AGAP1: variants seen among roughly 807,000 people sequenced by gnomAD.
AGAP1 encodes ArfGAP with GTPase domain, ankyrin repeat and PH domain 1, also known as arf-GAP with GTPase, ANK repeat and PH domain-containing protein 1.
Under a neutral mutation model 105.3 loss-of-function variants are expected in AGAP1, and 29 were observed. The observed-to-expected ratio is 0.28, with a 90% CI of 0.21 to 0.38. The LOEUF is 0.38. Among genes scored for constraint, AGAP1 ranks in the 10% least tolerant of loss-of-function variants. The pLI, the probability that AGAP1 is intolerant of heterozygous loss-of-function variation, is 1.00. For missense variants in AGAP1, 998 were observed against 1,165.1 expected, an observed-to-expected ratio of 0.86 and a Z score of 2.09; for synonymous variants, 509 against 485.9, an observed-to-expected ratio of 1.05 and a Z score of -0.63.
rs115362445 is a variant in AGAP1, at chr2:236,097,744, C to T, written c.2115-22448C>T. Among the ~76,000 whole-genome samples, 666 of 152,212 alleles carry T rather than the reference C, an allele frequency of 4.4e-3. 4 individuals are homozygous for T. Among genetic ancestry groups the T allele is most frequent in the African/African-American group, 0.015 (639 of 41,546 alleles). On this transcript the variant is annotated intron_variant, in intron 16 of 17. Transcript: ENST00000304032. ...GGTGCTCAGTACATTGACATTGCTG[C>T]GCAACCATCACGACCATCCATCTCC...
rs868182186 is a variant in AGAP1 at position 235,797,711 on chromosome 2, T to G, written c.674-48T>G. 10 of 1,612,668 alleles carry G rather than the reference T, an allele frequency of 6.2e-6. No individual in the cohort carries two copies. In the African/African-American group the frequency reaches 8.0e-5, roughly 13 times the overall value. On this transcript the variant is annotated intron_variant, in intron 6 of 17. Transcript: ENST00000304032. The stretch of plus-strand genomic sequence containing the variant: ...TGATGATCTCTGCTCTGTTCCTGAA[T>G]TTGGAAATTGATTGACATGGATTTC...
rs2050077420 is a variant in AGAP1, at chr2:235,882,481, GT to G, written c.1051-861del. 13 of 1,554,764 alleles carry G rather than the reference GT, an allele frequency of 8.4e-6. 1 individual carries two copies. The highest frequency in any genetic ancestry group is 5.5e-5 in the African/African-American group (4 of 73,342). The stretch of plus-strand genomic sequence containing the variant: ...AAGCTGGCGATTCCCCCCACGTCTG[GT>G]TTGTCTGCCATTTTCTTAAAACAAT... On this transcript the variant is annotated intron_variant, in intron 9 of 17. Coordinates refer to ENST00000304032, the MANE Select transcript of AGAP1 (RefSeq NM_001037131.3). The surrounding 1 kb of genome is among the most constrained non-coding windows in gnomAD (Gnocchi z 4.6).
In AGAP1 at chr2:235,751,887, C is replaced by A. The variant is rs187440992; in HGVS notation, c.673+1399C>A. On this transcript the variant is annotated intron_variant, in intron 6 of 17. Transcript: ENST00000304032. The surrounding 1 kb of genome is among the most constrained non-coding windows in gnomAD (Gnocchi z 5.3). Reference sequence around the variant, plus strand: ...GCTGGGGTCCCACAGCCCCTTCTTCCCTCCACTAACGTATATCTCGGGCAC... The same window carrying A: ...GCTGGGGTCCCACAGCCCCTTCTTCACTCCACTAACGTATATCTCGGGCAC... 5.7e-4 allele frequency among the ~76,000 whole-genome samples: 87 copies of A among 152,288 alleles called. 1 individual carries two copies. The highest frequency in any genetic ancestry group is 2.0e-3 in the African/African-American group (85 of 41,560).
chr2:236,068,864 C>A (rs1365950130), intron 16 of AGAP1, among the ~76,000 whole-genome samples: 1 of 145,780 alleles, frequency 6.9e-6, no homozygotes, highest in Non-Finnish European at 1.5e-5. Flanking sequence ...CATGGTGGTT[C>A]ACGCCTGTAA....
intron 12 of AGAP1, among the ~76,000 whole-genome samples, chr2:235,935,862 T>C (rs2052962238): frequency 6.6e-6 from 1 of 152,172 alleles, no homozygotes; most frequent in Non-Finnish European, 1.5e-5. Flanking sequence ...GTGGCATACT[T>C]GGCCGTCCTG....
chr2:235,929,953 G>C (rs938740074), intron 11 of AGAP1, among the ~76,000 whole-genome samples: 2 of 152,212 alleles, frequency 1.3e-5, no homozygotes, highest in African/African-American at 4.8e-5. Context: ...TTTTAAAAAA[G>C]CCCCAGTACC....
chr2:236,015,943 C>T (rs1260336985), intron 13 of AGAP1, among the ~76,000 whole-genome samples: 1 of 152,170 alleles, frequency 6.6e-6, no homozygotes, highest in Non-Finnish European at 1.5e-5. Flanking sequence ...ACATCCTGGT[C>T]ATTAACCTTT....
chr2:235,568,698 C>T (rs1261114199), intron 1 of AGAP1, among the ~76,000 whole-genome samples: 2 of 152,202 alleles, frequency 1.3e-5, no homozygotes, highest in African/African-American at 4.8e-5. Flanking sequence ...ACACGTCATT[C>T]TCTTTGAGGT....
Position 235,736,200 on chromosome 2 carries a change from C to T in AGAP1, c.311-4763C>T, listed in dbSNP as rs925841684. On this transcript the variant is annotated intron_variant, in intron 3 of 17. Coordinates refer to ENST00000304032, the MANE Select transcript of AGAP1 (RefSeq NM_001037131.3). The surrounding 1 kb of genome is among the most constrained non-coding windows in gnomAD (Gnocchi z 5.5). Reference sequence around the variant, plus strand: ...TCTGGTTCCTCACCCTGGGGGTGCCCGCCGTTGGGAGGTGCTGTGGTTCCA... The same window carrying T: ...TCTGGTTCCTCACCCTGGGGGTGCCTGCCGTTGGGAGGTGCTGTGGTTCCA... Among the ~76,000 whole-genome samples the T allele has an allele frequency of 2.6e-4, 40 of 151,862 alleles. No individual in the cohort carries two copies. Among genetic ancestry groups the T allele is most frequent in the Admixed American group, 1.6e-3 (25 of 15,230 alleles).
Position 235,621,658 on chromosome 2 carries a change from G to T in AGAP1, c.164-87521G>T, listed in dbSNP as rs1391998921. ...GACCCTTCTGGTCTCTCCAACACAA[G>T]GGTTGGTCATTCCCTGTGCCCATTG... On this transcript the variant is annotated intron_variant, in intron 1 of 17. Coordinates refer to ENST00000304032, the MANE Select transcript of AGAP1 (RefSeq NM_001037131.3). This position sits in a 1 kb window ranked among gnomAD's most constrained non-coding sequence, Gnocchi z 4.1. 5.3e-5 allele frequency among the ~76,000 whole-genome samples: 8 copies of T among 152,310 alleles called. No homozygotes were observed.
intron 6 of AGAP1, among the ~76,000 whole-genome samples, chr2:235,767,239 T>G (rs1377063900): frequency 6.6e-6 from 1 of 151,254 alleles, no homozygotes; most frequent in Non-Finnish European, 1.5e-5. Context: ...GTATAATAAA[T>G]GGACTTATTA....
rs981496509 is a variant in AGAP1, at chr2:235,905,263, A to C, written c.1156-3475A>C. On this transcript the variant is annotated intron_variant, in intron 10 of 17. Coordinates refer to ENST00000304032, the MANE Select transcript of AGAP1 (RefSeq NM_001037131.3). This position sits in a 1 kb window ranked among gnomAD's most constrained non-coding sequence, Gnocchi z 4.2. ...TGCTCAATTACACTCCTGTTATTGT[A>C]TTTTAATTTGTTAAGAATTGGCATT... 6.6e-6 allele frequency among the ~76,000 whole-genome samples: 1 copy of C among 152,218 alleles called. No individual in the cohort carries two copies. Among genetic ancestry groups the C allele is most frequent in the African/African-American group, 2.4e-5 (1 of 41,450 alleles).
intron 13 of AGAP1, among the ~76,000 whole-genome samples, chr2:235,985,246 GTCT>G (rs1418443927): frequency 6.6e-6 from 1 of 152,188 alleles, no homozygotes; most frequent in African/African-American, 2.4e-5. Context: ...CTGCATAAAT[GTCT>G]TCTTTTGAGA....
intron 16 of AGAP1, among the ~76,000 whole-genome samples, chr2:236,065,537 C>T (rs1261195543): frequency 1.3e-5 from 2 of 152,214 alleles, no homozygotes; most frequent in African/African-American, 4.8e-5. Flanking sequence ...GAACAGTGTT[C>T]GGCCAGCCTG....
chr2:235,630,403 G>T (rs1171475885), intron 1 of AGAP1, among the ~76,000 whole-genome samples: 1 of 152,094 alleles, frequency 6.6e-6, no homozygotes, highest in African/African-American at 2.4e-5. Context: ...TAGAGACAGG[G>T]TTTCACCATG....
chr2:235,533,760 C>T lies in AGAP1; in HGVS notation c.163+38911C>T, dbSNP rs200599451. 6.6e-5 allele frequency among the ~76,000 whole-genome samples: 10 copies of T among 152,322 alleles called. No homozygotes were observed. In the East Asian group the frequency reaches 1.4e-3, roughly 21 times the overall value. Reference sequence around the variant, plus strand: ...TGTGAGGAGCTGTTACTGCTCCTGTCGCCTGGTTTCACCCCTCGGTTCTGC... The same window carrying T: ...TGTGAGGAGCTGTTACTGCTCCTGTTGCCTGGTTTCACCCCTCGGTTCTGC... On this transcript the variant is annotated intron_variant, in intron 1 of 17. Transcript: ENST00000304032.
chr2:235,718,889 G>A (rs748455920), intron 3 of AGAP1, among the ~76,000 whole-genome samples: 7 of 152,190 alleles, frequency 4.6e-5, no homozygotes, highest in Non-Finnish European at 7.3e-5. Context: ...ATGAGCAAAG[G>A]CCACATTTTG....
At chr2:235,949,499 C>T (rs1267024596) in intron 12 of AGAP1, among the ~76,000 whole-genome samples, 1 of 152,124 alleles carries the variant, frequency 6.6e-6, no homozygotes, top group Non-Finnish European at 1.5e-5. Context: ...ACCGTGTCTC[C>T]GGATCATCAT....
intron 8 of AGAP1, among the ~76,000 whole-genome samples, chr2:235,805,904 G>A (rs76539610): frequency 6.6e-6 from 1 of 152,200 alleles, no homozygotes; most frequent in Non-Finnish European, 1.5e-5. Flanking sequence ...TGTTCAATAA[G>A]CATCAGCTCT....
Sources: allele counts gnomAD v4.1 joint callset (sites outside exome capture counted in the v4.1 genomes callset), GRCh38; gene constraint gnomAD v4.1.1; non-coding constraint Gnocchi (gnomAD v3.1); transcripts MANE v1.5; gene names NCBI Gene and HGNC (gene_info 2026-07-23, HGNC 2026-07-21).